Variants in ADPRHL1 observed in about 807,000 individuals in gnomAD.
The protein encoded by ADPRHL1 is ADP-ribosylhydrolase like 1.
ADPRHL1 carries 43 observed loss-of-function variants against 44.1 expected under a neutral mutation model. The ratio of observed to expected loss-of-function variants is 0.98; its 90% CI spans 0.76 to 1.26. ADPRHL1 has a LOEUF of 1.26. Among genes scored for constraint, ADPRHL1 ranks in the 50% most tolerant of loss-of-function variants. The pLI is 0.00. For synonymous variants in ADPRHL1, 878 were observed against 1,017.4 expected, an observed-to-expected ratio of 0.86 and a Z score of 2.61; for missense variants, 2,022 against 2,496.9, an observed-to-expected ratio of 0.81 and a Z score of 4.05.
intron 7 of ADPRHL1, among the ~76,000 whole-genome samples, chr13:113,414,000 C>T (rs578249308): frequency 8.5e-5 from 13 of 152,376 alleles, no homozygotes; most frequent in African/African-American, 3.1e-4. Flanking sequence ...CCCCTGTTGG[C>T]AGGTTCTTTG....
At chr13:113,412,850 C>G (rs2043864967) in intron 7 of ADPRHL1, among the ~76,000 whole-genome samples, 1 of 71,122 alleles carries the variant, frequency 1.4e-5, no homozygotes, top group Non-Finnish European at 2.8e-5. Flanking sequence ...CAGCGCCCCG[C>G]AGAGCTCGGT....
At chr13:113,439,706 C>T (rs2044084979) in intron 2 of ADPRHL1, among the ~76,000 whole-genome samples, 1 of 152,168 alleles carries the variant, frequency 6.6e-6, no homozygotes, top group African/African-American at 2.4e-5. Flanking sequence ...CCTTGGCCTC[C>T]TAAAGTGCTG....
Position 113,404,347 on chromosome 13 carries a change from C to T in ADPRHL1, c.4935G>A (p.Gln1645=). 1 of 1,332,702 alleles carries T rather than the reference C, an allele frequency of 7.5e-7. No individual in the cohort carries two copies. Among genetic ancestry groups the T allele is most frequent in the Non-Finnish European group, 9.5e-7 (1 of 1,049,832 alleles). The allele number at this position is 1,332,702 out of a possible 1,614,324, so 82.6% of individuals were successfully genotyped here. A position where few individuals can be genotyped will look rare whatever the true frequency, so the allele number is the denominator to read the frequency against. The change falls in exon 8 of 8, where the codon CAG becomes CAA. Residue 1645 remains glutamine, a synonymous_variant. Coordinates refer to ENST00000612156, the MANE Select transcript of ADPRHL1 (RefSeq NM_001394807.1). ...GAQERVQGQA[Q]KGAQERAQEQ... ...CCTGGGCCCGTTCCTGAGCCCCTTT[C>T]TGGGCCTGACCCTGAACCCGTTCCT...
chr13:113,436,836 G>A (rs1290764387), intron 2 of ADPRHL1, among the ~76,000 whole-genome samples: 254 of 26,260 alleles, frequency 9.7e-3, no homozygotes, highest in Middle Eastern at 0.026. Context: ...CCAGGCGCAG[G>A]GTGAACATAG....
At chr13:113,433,650 G>GC in intron 3 of ADPRHL1, 92 bp downstream of exon 3, 1 of 1,334,012 alleles carries the variant, frequency 7.5e-7, no homozygotes. Context: ...CCAGGCCCCC[G>GC]CCCCCCACCC....
intron 1 of ADPRHL1, among the ~76,000 whole-genome samples, chr13:113,446,456 T>A (rs2044138572): frequency 6.6e-6 from 1 of 152,208 alleles, no homozygotes; most frequent in African/African-American, 2.4e-5. Flanking sequence ...AGAGGGGCAG[T>A]CCTGGGAGGC....
intron 7 of ADPRHL1, among the ~76,000 whole-genome samples, chr13:113,411,300 G>A (rs2043850843): frequency 1.3e-5 from 2 of 152,312 alleles, no homozygotes; most frequent in South Asian, 2.1e-4. Context: ...CAGGTGGTGG[G>A]CAGCTTGGTG....
At chr13:113,429,236 C>T in intron 3 of ADPRHL1, 144 bp from the exon 4 acceptor site, 1 of 1,102,850 alleles carries the variant, frequency 9.1e-7, no homozygotes, top group East Asian at 2.6e-5. Flanking sequence ...AGTTCGGCGG[C>T]ATTAACCACG....
At position 113,453,148 on chromosome 13, in the gene ADPRHL1, G is replaced by A. The variant is rs567475106; in HGVS notation, c.214+76C>T. On this transcript the variant is annotated intron_variant, in intron 1 of 7. Transcript: ENST00000612156. The surrounding 1 kb of genome is among the most constrained non-coding windows in gnomAD (Gnocchi z 5.4). ...GGACCGCACTGCCTTCAAAGCTCTC[G>A]GAGGCTTACTGGGAGAACTCGAGCA... The A allele has an allele frequency of 5.5e-5, 85 of 1,534,754 alleles. No homozygotes were observed. The highest frequency in any genetic ancestry group is 1.4e-4 in the African/African-American group (10 of 73,272).
intron 7 of ADPRHL1, chr13:113,422,166 C>A (rs41286628): frequency 1.3e-5 from 2 of 152,192 alleles, no homozygotes; most frequent in African/African-American, 4.8e-5. Flanking sequence ...CACAGAGAGA[C>A]GCCGGAGCTG....
intron 7 of ADPRHL1, among the ~76,000 whole-genome samples, chr13:113,416,527 C>G (rs968671355): frequency 3.3e-5 from 5 of 152,118 alleles, no homozygotes; most frequent in African/African-American, 9.7e-5. Context: ...GGGATGCTTG[C>G]CTGCCGCCTA....
chr13:113,410,113 G>T (rs1472482013), intron 7 of ADPRHL1: 1 of 985,256 alleles, frequency 1.0e-6, no homozygotes, highest in East Asian at 1.1e-4. Context: ...GTTGCCGTGG[G>T]CACGCGATGA....
rs1296354824 is a variant in ADPRHL1 at position 113,441,428 on chromosome 13, G to A, written c.379+2997C>T. On this transcript the variant is annotated intron_variant, in intron 2 of 7. Coordinates refer to ENST00000612156, the MANE Select transcript of ADPRHL1 (RefSeq NM_001394807.1). This position sits in a 1 kb window ranked among gnomAD's most constrained non-coding sequence, Gnocchi z 6.0. ...TGCTAACTCTTCTGTGATTTCAGCG[G>A]TGGCTTTTGGGTTCATGGTGTCCGT... Among the ~76,000 whole-genome samples, 1 of 151,972 alleles carries A rather than the reference G, an allele frequency of 6.6e-6. No homozygotes were observed. Among genetic ancestry groups the A allele is most frequent in the Non-Finnish European group, 1.5e-5 (1 of 68,006 alleles).
At chr13:113,424,997 T>G (rs1256525737) in intron 5 of ADPRHL1, 55 bp downstream of exon 5, 1 of 1,605,028 alleles carries the variant, frequency 6.2e-7, no homozygotes, top group Non-Finnish European at 8.5e-7. Flanking sequence ...TGCTATGCAC[T>G]TATTGAGCAC....
intron 7 of ADPRHL1, among the ~76,000 whole-genome samples, chr13:113,418,332 C>G (rs1285587400): frequency 6.6e-6 from 1 of 152,220 alleles, no homozygotes. Context: ...GGTTCTCGGT[C>G]TGACGGGGGC....
intron 2 of ADPRHL1, among the ~76,000 whole-genome samples, chr13:113,434,073 C>G (rs1002638342): frequency 1.3e-5 from 2 of 152,194 alleles, no homozygotes; most frequent in Non-Finnish European, 2.9e-5. Context: ...ATCCAAGTGT[C>G]GGGTGTTAGT....
In ADPRHL1 at chr13:113,453,323, G is replaced by C; in HGVS notation, c.115C>G (p.Arg39Gly). Residue 39 changes from arginine to glycine, a missense_variant, in exon 1 of 8, where the codon CGT becomes GGT. This residue lies in a region of ADPRHL1 where 437 missense variants were observed against 430.7 expected (regional missense o/e 1.01). Transcript: ENST00000612156. The surrounding 1 kb of genome is among the most constrained non-coding windows in gnomAD (Gnocchi z 5.4). ...ACGAGGTGGTCCAGGCCCCCGGAACGTTGCAGCTCCTCCTGGATCTTCATG... is the reference window on the plus strand; with the variant it reads ...ACGAGGTGGTCCAGGCCCCCGGAACCTTGCAGCTCCTCCTGGATCTTCATG... ...VGMKIQEELQ[R>G]SGGLDHLVLS... is the part of the protein sequence containing the mutation. The C allele has an allele frequency of 6.2e-7, 1 of 1,614,190 alleles. No individual in the cohort carries two copies. The highest frequency in any genetic ancestry group is 8.5e-7 in the Non-Finnish European group (1 of 1,180,042).
chr13:113,416,109 G>A (rs993749914), intron 7 of ADPRHL1, among the ~76,000 whole-genome samples: 5 of 151,608 alleles, frequency 3.3e-5, no homozygotes, highest in African/African-American at 4.8e-5. Flanking sequence ...AACGGTCACC[G>A]TCTATCTAGT....
chr13:113,408,967 A>C (rs1055747128), intron 7 of ADPRHL1, among the ~76,000 whole-genome samples: 7 of 140,764 alleles, frequency 5.0e-5, no homozygotes. Context: ...GGGAGGAAAG[A>C]GGGGGCTGCA....
Sources: gnomAD v4.1 joint callset for allele counts (sites outside exome capture counted in the v4.1 genomes callset) on GRCh38, gnomAD v4.1.1 for gene constraint, gnomAD v4.1.1 regional missense constraint, Gnocchi (gnomAD v3.1) non-coding constraint, MANE v1.5 for transcripts, NCBI Gene and HGNC (gene_info 2026-07-23, HGNC 2026-07-21) for gene names.